The following AK8 variants were observed in gnomAD, a reference collection of about 807,000 sequenced individuals.
AK8 encodes adenylate kinase 8, also known as ATP-AMP transphosphorylase 8.
Under a neutral mutation model 54.6 loss-of-function variants are expected in AK8, and 44 were observed. That is an observed-to-expected ratio of 0.81 (90% confidence interval 0.63 to 1.04). The LOEUF is 1.04. AK8 is among the 50% of genes least tolerant of loss of function. AK8 has a pLI of 0.00. For missense variants in AK8, 555 were observed against 613.6 expected (o/e 0.90, Z 1.01); for synonymous variants, 239 against 245.6 (o/e 0.97, Z 0.25).
At chr9:132,853,708 C>A (rs1296337039) in intron 5 of AK8, among the ~76,000 whole-genome samples, 1 of 144,736 alleles carries the variant, frequency 6.9e-6, no homozygotes, top group Non-Finnish European at 1.5e-5. Context: ...ATCTCTTGAG[C>A]CCAGAAGGTC....
chr9:132,727,162 C>T (rs1183362518), intron 12 of AK8, among the ~76,000 whole-genome samples: 1 of 152,108 alleles, frequency 6.6e-6, no homozygotes, highest in Non-Finnish European at 1.5e-5. Context: ...GTGACGCCCA[C>T]CCAAGGCTGC....
chr9:132,744,548 A>G (rs766048961), intron 11 of AK8, among the ~76,000 whole-genome samples: 2 of 152,186 alleles, frequency 1.3e-5, no homozygotes, highest in Non-Finnish European at 2.9e-5. Flanking sequence ...TACAGACCGA[A>G]GGGGAAAAAC....
chr9:132,760,278 G>A (rs1410821618), intron 11 of AK8, among the ~76,000 whole-genome samples: 1 of 151,976 alleles, frequency 6.6e-6, no homozygotes, highest in African/African-American at 2.4e-5. Flanking sequence ...TGACTCCTGG[G>A]TTTAAGTGAT....
chr9:132,780,799 C>G (rs1839430964), intron 11 of AK8, among the ~76,000 whole-genome samples: 1 of 152,188 alleles, frequency 6.6e-6, no homozygotes. Flanking sequence ...GATTAAAACT[C>G]CCTGCTACCA....
chr9:132,825,416 T>A (rs975889308), intron 8 of AK8, among the ~76,000 whole-genome samples: 1 of 152,206 alleles, frequency 6.6e-6, no homozygotes, highest in Admixed American at 6.5e-5. Context: ...TTTAATTAAG[T>A]AATTTGGAAG....
intron 9 of AK8, 94 bp downstream of exon 9, chr9:132,823,111 A>C (rs1841719383): frequency 6.8e-7 from 1 of 1,464,860 alleles, no homozygotes; most frequent in African/African-American, 1.5e-5. Flanking sequence ...CTTCCCCCCC[A>C]ACACCACCCC....
intron 5 of AK8, among the ~76,000 whole-genome samples, chr9:132,838,149 C>T (rs186933131): frequency 1.3e-3 from 193 of 152,196 alleles, no homozygotes; most frequent in African/African-American, 4.3e-3. Flanking sequence ...GCTGGTGGTT[C>T]TGTGGACCAG....
chr9:132,759,627 A>G (rs1838357648), intron 11 of AK8, among the ~76,000 whole-genome samples: 1 of 152,190 alleles, frequency 6.6e-6, no homozygotes. Context: ...ATATGGGGCA[A>G]GTAGCTGTCG....
chr9:132,731,741 T>C (rs115301437), intron 11 of AK8, among the ~76,000 whole-genome samples: 1,960 of 152,310 alleles, frequency 0.013, 45 homozygotes, highest in African/African-American at 0.044. Context: ...GATGACTACA[T>C]ACGTGGTGCT....
intron 9 of AK8, among the ~76,000 whole-genome samples, chr9:132,817,606 T>C (rs1238124222): frequency 6.6e-6 from 1 of 151,978 alleles, no homozygotes; most frequent in African/African-American, 2.4e-5. Flanking sequence ...AACAAATCAC[T>C]AGGTGTGCTG....
chr9:132,854,767 T>C, intron 5 of AK8, 90 bp downstream of exon 5: 2 of 1,393,758 alleles, frequency 1.4e-6, no homozygotes, highest in Non-Finnish European at 2.0e-6. Context: ...CTCTTATGCC[T>C]CTGGTCATCT....
chr9:132,795,510 C>A (rs1178469954), intron 10 of AK8, among the ~76,000 whole-genome samples: 7 of 152,204 alleles, frequency 4.6e-5, no homozygotes, highest in Admixed American at 1.3e-4. Context: ...GGGTAAGAAT[C>A]TGCCATAGAG....
chr9:132,779,468 T>G (rs1019340267), intron 11 of AK8, among the ~76,000 whole-genome samples: 2 of 152,206 alleles, frequency 1.3e-5, no homozygotes, highest in African/African-American at 4.8e-5. Context: ...ACTACAGGTG[T>G]GCACCACCAT....
At chr9:132,752,753 C>T (rs1838001694) in intron 11 of AK8, among the ~76,000 whole-genome samples, 1 of 150,852 alleles carries the variant, frequency 6.6e-6, no homozygotes, top group South Asian at 2.1e-4. Context: ...CTCTTCCTCC[C>T]CTCCTCCTGC....
In AK8 at chr9:132,822,797, C is replaced by A. The variant is rs563455669; in HGVS notation, c.889+408G>T. ...TAAACACACTGACCTGGGTTGGGGG[C>A]ACCAAACGAGACTGGAGAAAATAAA... On this transcript the variant is annotated intron_variant, in intron 9 of 12. Coordinates refer to ENST00000298545, the MANE Select transcript of AK8 (RefSeq NM_152572.3). Among the ~76,000 whole-genome samples the A allele has an allele frequency of 2.0e-5, 3 of 152,216 alleles. No homozygotes were observed. In the South Asian group the frequency reaches 6.2e-4, roughly 32 times the overall value.
chr9:132,825,232 T>G (rs1470846015), intron 8 of AK8, among the ~76,000 whole-genome samples: 2 of 152,216 alleles, frequency 1.3e-5, no homozygotes, highest in Non-Finnish European at 2.9e-5. Context: ...AAATGTGTGG[T>G]TGCTGGATGC....
chr9:132,821,744 T>C (rs1402504949), intron 9 of AK8, among the ~76,000 whole-genome samples: 1 of 132,956 alleles, frequency 7.5e-6, no homozygotes, highest in Non-Finnish European at 1.5e-5. Context: ...TATATTTGTA[T>C]GTATATACAA....
rs903720550 is a variant in AK8, at chr9:132,839,823, G to C, written c.403-11097C>G. Among the ~76,000 whole-genome samples the C allele has an allele frequency of 3.8e-4, 56 of 147,412 alleles. 8 individuals are homozygous for C. The highest frequency in any genetic ancestry group is 1.0e-3 in the African/African-American group (40 of 39,234). On this transcript the variant is annotated intron_variant, in intron 5 of 12. Coordinates refer to ENST00000298545, the MANE Select transcript of AK8 (RefSeq NM_152572.3). ...GTAAAGAAAACATTTTTTTTGCCGG[G>C]GGGGGGGGCGCAGGGACGGAGCCTT... is the stretch of plus-strand genomic sequence containing the variant.
At position 132,826,124 on chromosome 9, in the gene AK8, G is replaced by C. The variant is rs1264352475; in HGVS notation, c.757+730C>G. On this transcript the variant is annotated intron_variant, in intron 8 of 12. Transcript: ENST00000298545. The surrounding 1 kb of genome is among the most constrained non-coding windows in gnomAD (Gnocchi z 4.5). ...ACTGGGCTTGTGGCTGTGGACACGT[G>C]ATTTGGAGAATCCCATTTAATCCTC... is the stretch of plus-strand genomic sequence containing the variant. 1.3e-5 allele frequency among the ~76,000 whole-genome samples: 2 copies of C among 152,216 alleles called. No individual in the cohort carries two copies. Among genetic ancestry groups the C allele is most frequent in the African/African-American group, 4.8e-5 (2 of 41,444 alleles).
Sources: gnomAD v4.1 joint callset for allele counts (sites outside exome capture counted in the v4.1 genomes callset) on GRCh38, gnomAD v4.1.1 for gene constraint, Gnocchi (gnomAD v3.1) non-coding constraint, MANE v1.5 for transcripts, NCBI Gene and HGNC (gene_info 2026-07-23, HGNC 2026-07-21) for gene names.